Variants in XKR4 observed in about 807,000 individuals in gnomAD.
The protein encoded by XKR4 is XK related 4, also known as XK-related protein 4.
In XKR4, 12 loss-of-function variants were observed where a neutral mutation model predicts 53.9. That is an observed-to-expected ratio of 0.22 (90% CI 0.14 to 0.36). The LOEUF is 0.36. Ranked by LOEUF, XKR4 falls within the 10% of genes least tolerant of loss-of-function variation. The pLI is 1.00. For synonymous variants in XKR4, 354 were observed against 362.4 expected (o/e 0.98, Z 0.26); for missense variants, 799 against 859.5 (o/e 0.93, Z 0.88).
chr8:55,448,071 A>G (rs2129395782), intron 2 of XKR4, among the ~76,000 whole-genome samples: 1 of 152,326 alleles, frequency 6.6e-6, no homozygotes, highest in Admixed American at 6.5e-5. Flanking sequence ...TGCTAAAAAG[A>G]ACAGCAAAAG....
chr8:55,452,976 G>A, intron 2 of XKR4: 2 of 716,880 alleles, frequency 2.8e-6, no homozygotes, highest in Admixed American at 3.6e-5. Context: ...GCTCAGGGAT[G>A]GCCACAGGCA....
chr8:55,413,517 C>G (rs1804803801), intron 2 of XKR4, among the ~76,000 whole-genome samples: 1 of 152,244 alleles, frequency 6.6e-6, no homozygotes, highest in Non-Finnish European at 1.5e-5. Context: ...TGAGCCACTG[C>G]TCCCGGCAGT....
At position 55,534,363 on chromosome 8, in the gene XKR4, C is replaced by CTTTTTTTTTTTTTTTTTTT. The variant is rs1160872780; in HGVS notation, c.*10146_*10164dup. 9 of 47,162 alleles carry CTTTTTTTTTTTTTTTTTTT rather than the reference C, an allele frequency of 1.9e-4. 2 individuals carry two copies. The highest frequency in any genetic ancestry group is 2.4e-4 in the African/African-American group (3 of 12,424). The allele number at this position is 47,162 out of a possible 1,614,324, so 2.9% of individuals were successfully genotyped here. On this transcript the variant is annotated 3_prime_UTR_variant, in exon 3 of 3. Transcript: ENST00000327381. The stretch of plus-strand genomic sequence containing the variant: ...GCTCAAAGATCACGAATCTGATATT[C>CTTTTTTTTTTTTTTTTTTT]TTTTTTTTTTTTTTTTTTTTTTTTT...
intron 1 of XKR4, among the ~76,000 whole-genome samples, chr8:55,116,170 G>A (rs2129351479): frequency 6.6e-6 from 1 of 152,278 alleles, no homozygotes; most frequent in Non-Finnish European, 1.5e-5. Context: ...TGGATGGAAG[G>A]GATAGTGGAG....
chr8:55,417,586 A>G (rs75916115), intron 2 of XKR4, among the ~76,000 whole-genome samples: 72 of 152,364 alleles, frequency 4.7e-4, no homozygotes, highest in Non-Finnish European at 8.1e-4. Flanking sequence ...AACTTTCAAA[A>G]AAGTGTAGCT....
chr8:55,329,412 G>A (rs953506002), intron 1 of XKR4, among the ~76,000 whole-genome samples: 10 of 149,212 alleles, frequency 6.7e-5, no homozygotes, highest in Middle Eastern at 3.4e-3. Context: ...ATCAGGTATC[G>A]TCAGTGTTAG....
chr8:55,135,750 C>A, intron 1 of XKR4: 1 of 408,100 alleles, frequency 2.5e-6, no homozygotes, highest in South Asian at 1.7e-5. Context: ...TGACCCCTGA[C>A]CCAGCAGGCC....
At chr8:55,299,551 G>T (rs780479934) in intron 1 of XKR4, among the ~76,000 whole-genome samples, 1 of 152,168 alleles carries the variant, frequency 6.6e-6, no homozygotes, top group African/African-American at 2.4e-5. Flanking sequence ...ATTTAGTGAC[G>T]ATCTGAGAGC....
intron 1 of XKR4, among the ~76,000 whole-genome samples, chr8:55,280,700 T>TA (rs1364005073): frequency 4.6e-5 from 7 of 152,192 alleles, no homozygotes; most frequent in African/African-American, 1.4e-4. Context: ...TATGGATTTT[T>TA]AAAAAATACT....
intron 1 of XKR4, among the ~76,000 whole-genome samples, chr8:55,175,007 AT>A (rs1399801607): frequency 6.6e-6 from 1 of 152,230 alleles, no homozygotes; most frequent in African/African-American, 2.4e-5. Flanking sequence ...AAAGAAAGGA[AT>A]TCCACTGGTA....
Position 55,536,606 on chromosome 8 carries a change from GTTGTAAGTAATGGAA to G in XKR4, c.*12383_*12397del, listed in dbSNP as rs1212974472. 6.6e-6 allele frequency: 1 copy of G among 152,224 alleles called. No homozygotes were observed. Among genetic ancestry groups the G allele is most frequent in the Non-Finnish European group, 1.5e-5 (1 of 68,044 alleles). The allele number at this position is 152,224 out of a possible 1,614,324, so 9.4% of individuals were successfully genotyped here. On this transcript the variant is annotated 3_prime_UTR_variant, in exon 3 of 3. Transcript: ENST00000327381. ...TTCTGGATAGACAGACTGCTCCGGTGTTGTAAGTAATGGAATTGAACTTTCTTGCGCCGTAAGCAA... is the reference window on the plus strand; with the variant it reads ...TTCTGGATAGACAGACTGCTCCGGTGTTGAACTTTCTTGCGCCGTAAGCAA...
intron 2 of XKR4, among the ~76,000 whole-genome samples, chr8:55,433,882 C>T (rs1402592487): frequency 6.6e-6 from 1 of 152,014 alleles, no homozygotes; most frequent in Non-Finnish European, 1.5e-5. Context: ...AAATAAAAAA[C>T]ATTAACTGGG....
chr8:55,280,214 C>T (rs1224539843), intron 1 of XKR4, among the ~76,000 whole-genome samples: 5 of 152,086 alleles, frequency 3.3e-5, no homozygotes, highest in African/African-American at 7.2e-5. Flanking sequence ...AAGAATGAGC[C>T]AAATTGTTTT....
intron 2 of XKR4, among the ~76,000 whole-genome samples, chr8:55,413,753 C>T (rs554323870): frequency 6.6e-6 from 1 of 152,158 alleles, no homozygotes; most frequent in South Asian, 2.1e-4. Context: ...AGCTCAGGCT[C>T]ACAGGTCTCA....
At chr8:55,373,224 TG>T (rs1334314001) in intron 2 of XKR4, among the ~76,000 whole-genome samples, 1 of 152,162 alleles carries the variant, frequency 6.6e-6, no homozygotes, top group Non-Finnish European at 1.5e-5. Context: ...GGGAGTACAG[TG>T]GCGCGATCTT....
At chr8:55,288,517 C>T (rs759878401) in intron 1 of XKR4, among the ~76,000 whole-genome samples, 4 of 152,154 alleles carry the variant, frequency 2.6e-5, no homozygotes, top group Non-Finnish European at 5.9e-5. Context: ...TCAGGTTCAT[C>T]CTACTAGTAT....
At chr8:55,399,773 G>A (rs896410909) in intron 2 of XKR4, among the ~76,000 whole-genome samples, 1 of 152,186 alleles carries the variant, frequency 6.6e-6, no homozygotes, top group African/African-American at 2.4e-5. Context: ...AGGAGGGCTG[G>A]GCAAGGCGAG....
At position 55,503,192 on chromosome 8, in the gene XKR4, C is replaced by T. The variant is rs747105176; in HGVS notation, c.1007-20089C>T. On this transcript the variant is annotated intron_variant, in intron 2 of 2. Coordinates refer to ENST00000327381, the MANE Select transcript of XKR4 (RefSeq NM_052898.2). Reference sequence around the variant, plus strand: ...TTTCTGGGACCTCTGTGATTCCATACGAATTTTAGGATGGATTTTTCTATT... The same window carrying T: ...TTTCTGGGACCTCTGTGATTCCATATGAATTTTAGGATGGATTTTTCTATT... 7.3e-5 allele frequency among the ~76,000 whole-genome samples: 11 copies of T among 151,578 alleles called. 1 individual carries two copies. Among genetic ancestry groups the T allele is most frequent in the South Asian group, 4.2e-4 (2 of 4,802 alleles).
At chr8:55,313,150 C>G (rs1197789547) in intron 1 of XKR4, among the ~76,000 whole-genome samples, 1 of 152,088 alleles carries the variant, frequency 6.6e-6, no homozygotes, top group Non-Finnish European at 1.5e-5. Flanking sequence ...TTATGCATTT[C>G]CCAGTCTGTT....
Sources: gnomAD v4.1 joint callset for allele counts (sites outside exome capture counted in the v4.1 genomes callset) on GRCh38, gnomAD v4.1.1 for gene constraint, MANE v1.5 for transcripts, NCBI Gene and HGNC (gene_info 2026-07-23, HGNC 2026-07-21) for gene names.